The following NRG1 variants were observed in gnomAD, a reference collection of about 807,000 sequenced individuals.
The protein encoded by NRG1 is neuregulin 1.
In NRG1, 18 loss-of-function variants were observed where a neutral mutation model predicts 63.8. The ratio of observed to expected loss-of-function variants is 0.28; its 90% CI spans 0.19 to 0.42. The LOEUF (loss-of-function observed/expected upper bound fraction) is 0.42, where lower values mean the gene tolerates loss of function less well. Ranked by LOEUF, NRG1 falls within the 10% of genes least tolerant of loss-of-function variation. NRG1 has a pLI of 1.00. For missense variants in NRG1, 762 were observed against 814.7 expected (o/e 0.94, Z 0.79); for synonymous variants, 302 against 301.3 (o/e 1.00, Z -0.02).
At chr8:32,251,655 C>T (rs2200043) in intron 1 of NRG1, among the ~76,000 whole-genome samples, 97,656 of 151,984 alleles carry the variant, frequency 0.64, 31,667 homozygotes, top group Admixed American at 0.75. Context: ...AATGGTTGAA[C>T]TAATTTACAC....
chr8:32,747,095 T>C (rs985466951), intron 7 of NRG1, among the ~76,000 whole-genome samples: 2 of 152,050 alleles, frequency 1.3e-5, no homozygotes, highest in African/African-American at 4.8e-5. Flanking sequence ...TGAAATGAAA[T>C]TATAGTTAGG....
intron 1 of NRG1, among the ~76,000 whole-genome samples, chr8:31,834,532 C>T (rs1423247537): frequency 1.3e-5 from 2 of 152,032 alleles, no homozygotes; most frequent in Non-Finnish European, 2.9e-5. Context: ...CAACACAAGA[C>T]CTTGTCTCTA....
At chr8:31,809,741 G>GTTTTTTTTTTTTTTTTTTTTTTTTT (rs753730069) in intron 1 of NRG1, among the ~76,000 whole-genome samples, 3 of 68,018 alleles carry the variant, frequency 4.4e-5, no homozygotes, top group Non-Finnish European at 7.9e-5. Flanking sequence ...TCTATTAATT[G>GTTTTTTTTTTTTTTTTTTTTTTTTT]TTTTTTTTTT....
At chr8:32,067,948 C>T (rs991002738) in intron 1 of NRG1, among the ~76,000 whole-genome samples, 4 of 152,104 alleles carry the variant, frequency 2.6e-5, no homozygotes, top group African/African-American at 9.7e-5. Context: ...TGGCTGTTAG[C>T]ATCCTTTTTC....
At chr8:32,020,470 C>T (rs927554224) in intron 1 of NRG1, among the ~76,000 whole-genome samples, 3 of 151,962 alleles carry the variant, frequency 2.0e-5, no homozygotes, top group African/African-American at 7.2e-5. Flanking sequence ...CATTTTATTT[C>T]CTTTCCTTGC....
intron 5 of NRG1, among the ~76,000 whole-genome samples, chr8:32,723,956 T>C (rs1309481217): frequency 6.6e-6 from 1 of 152,216 alleles, no homozygotes; most frequent in Non-Finnish European, 1.5e-5. Context: ...AATGATCATT[T>C]GTCCTGACCT....
chr8:32,558,152 T>C (rs1481505639), intron 1 of NRG1, among the ~76,000 whole-genome samples: 2 of 152,198 alleles, frequency 1.3e-5, no homozygotes, highest in Non-Finnish European at 2.9e-5. Flanking sequence ...GTATAGTCCC[T>C]GTGGCCTCTA....
intron 1 of NRG1, among the ~76,000 whole-genome samples, chr8:31,691,875 C>G (rs1809566429): frequency 6.6e-6 from 1 of 152,074 alleles, no homozygotes; most frequent in Non-Finnish European, 1.5e-5. Context: ...GGGTCTTGCT[C>G]TGTTGCCCTG....
At position 32,617,929 on chromosome 8, in the gene NRG1, A is replaced by G. The variant is rs190444490; in HGVS notation, c.502+1044A>G. ...ACTATATGGTATAAAATTATCTTTT[A>G]TTGTGTGAAGTATGGTGTTTTGGCT... On this transcript the variant is annotated intron_variant, in intron 5 of 11. Coordinates refer to ENST00000356819, the Ensembl canonical transcript of NRG1. Among the ~76,000 whole-genome samples the G allele has an allele frequency of 1.3e-4, 20 of 152,280 alleles. 1 individual carries two copies. In the East Asian group the frequency reaches 3.7e-3, roughly 28 times the overall value.
intron 1 of NRG1, among the ~76,000 whole-genome samples, chr8:32,222,169 A>G (rs950843951): frequency 6.6e-6 from 1 of 152,146 alleles, no homozygotes; most frequent in African/African-American, 2.4e-5. Context: ...ATTTTTCTAG[A>G]AACAAAGGCT....
chr8:32,064,731 A>C (rs1220140379), intron 1 of NRG1, among the ~76,000 whole-genome samples: 1 of 152,154 alleles, frequency 6.6e-6, no homozygotes, highest in East Asian at 1.9e-4. Flanking sequence ...TTTACTTATA[A>C]GCTATACCTG....
chr8:31,697,446 C>T (rs1450554717), intron 1 of NRG1, among the ~76,000 whole-genome samples: 2 of 152,110 alleles, frequency 1.3e-5, no homozygotes, highest in Non-Finnish European at 1.5e-5. Flanking sequence ...ATTTCTAATC[C>T]TTTATTATGA....
intron 5 of NRG1, among the ~76,000 whole-genome samples, chr8:32,719,434 A>G (rs1311530940): frequency 6.6e-6 from 1 of 152,024 alleles, no homozygotes; most frequent in Non-Finnish European, 1.5e-5. Flanking sequence ...TTTTATAGCA[A>G]ATCCCAGACA....
intron 1 of NRG1, among the ~76,000 whole-genome samples, chr8:32,159,594 AT>A (rs1468208856): frequency 6.6e-6 from 1 of 151,830 alleles, no homozygotes; most frequent in Non-Finnish European, 1.5e-5. Context: ...GAATAGGATT[AT>A]TTCCTCTAAC....
chr8:32,160,728 G>A (rs1028527563), intron 1 of NRG1, among the ~76,000 whole-genome samples: 1 of 152,170 alleles, frequency 6.6e-6, no homozygotes, highest in Non-Finnish European at 1.5e-5. Flanking sequence ...GCTTTTAATT[G>A]TAATTTAATT....
intron 1 of NRG1, among the ~76,000 whole-genome samples, chr8:32,578,557 A>T (rs1840077653): frequency 7.1e-6 from 1 of 140,832 alleles, no homozygotes; most frequent in South Asian, 2.3e-4. Context: ...ACAGAGGTCC[A>T]CTGCATTGCT....
intron 1 of NRG1, among the ~76,000 whole-genome samples, chr8:32,540,634 A>C (rs1832487760): frequency 6.6e-6 from 1 of 152,182 alleles, no homozygotes; most frequent in Admixed American, 6.5e-5. Context: ...ACTCTGGGAC[A>C]AACAGATTAT....
chr8:31,818,498 T>G (rs1427701949), intron 1 of NRG1, among the ~76,000 whole-genome samples: 1 of 152,140 alleles, frequency 6.6e-6, no homozygotes, highest in Non-Finnish European at 1.5e-5. Context: ...GGAGATGGTT[T>G]AGGGATGAAA....
intron 7 of NRG1, among the ~76,000 whole-genome samples, chr8:32,747,120 T>C (rs1319135937): frequency 1.3e-5 from 2 of 152,106 alleles, no homozygotes; most frequent in Non-Finnish European, 2.9e-5. Flanking sequence ...CAGACTTACC[T>C]ATAAAACTGT....
Sources: allele counts gnomAD v4.1 joint callset (sites outside exome capture counted in the v4.1 genomes callset), GRCh38; gene constraint gnomAD v4.1.1; transcripts MANE v1.5; gene names NCBI Gene and HGNC (gene_info 2026-07-23, HGNC 2026-07-21).